SMAP2: variants seen among roughly 807,000 people sequenced by gnomAD.
The protein encoded by SMAP2 is stromal membrane-associated protein 2.
In SMAP2, 25 loss-of-function variants were observed where a neutral mutation model predicts 56.4. The ratio of observed to expected loss-of-function variants is 0.44; its 90% CI spans 0.32 to 0.62. SMAP2 has a LOEUF of 0.62. Ranked by LOEUF, SMAP2 falls within the 20% of genes least tolerant of loss-of-function variation. SMAP2 has a pLI of 0.04. For synonymous variants in SMAP2, 157 were observed against 181.7 expected, an observed-to-expected ratio of 0.86 and a Z score of 1.09; for missense variants, 388 against 545.6, an observed-to-expected ratio of 0.71 and a Z score of 2.88.
chr1:40,417,901 A>G (rs1004787178), intron 9 of SMAP2, among the ~76,000 whole-genome samples: 2 of 152,194 alleles, frequency 1.3e-5, no homozygotes, highest in East Asian at 1.9e-4. Context: ...GCCTCCCCAA[A>G]CCTTCACACC....
chr1:40,347,247 TTTTG>T lies in SMAP2; in HGVS notation c.-83+2341_-83+2344del, dbSNP rs1220125597. On this transcript the variant is annotated intron_variant, in intron 1 of 6. Transcript: ENST00000435168. ...GTGTGTTTGTGTGTGTGTGTTTTGT[TTTTG>T]TTTTTTTTTTTTTTTTTAAAGCAAA... Among the ~76,000 whole-genome samples, 12 of 66,810 alleles carry T rather than the reference TTTTG, an allele frequency of 1.8e-4. 1 individual carries two copies. Among genetic ancestry groups the T allele is most frequent in the African/African-American group, 6.7e-4 (12 of 17,822 alleles). 43.8% of individuals were successfully genotyped at this position (66,810 alleles called of 152,430 possible).
At chr1:40,376,260 C>T (rs1310199577) in intron 1 of SMAP2, among the ~76,000 whole-genome samples, 2 of 152,064 alleles carry the variant, frequency 1.3e-5, no homozygotes, top group Non-Finnish European at 2.9e-5. Flanking sequence ...CCGAAATTTC[C>T]GTTGCTTTTT....
chr1:40,407,116 G>A (rs992416462), intron 2 of SMAP2, among the ~76,000 whole-genome samples: 1 of 152,150 alleles, frequency 6.6e-6, no homozygotes, highest in Middle Eastern at 3.2e-3. Context: ...ATGGGCCCAC[G>A]AAAGTATTAA....
intron 1 of SMAP2, chr1:40,375,838 A>G (rs995497409): frequency 2.9e-6 from 1 of 341,968 alleles, no homozygotes; most frequent in Non-Finnish European, 3.7e-6. Context: ...CCCCCCCCCC[A>G]TTTCTCATAT....
chr1:40,403,617 T>C (rs1644857529), intron 1 of SMAP2: 1 of 983,710 alleles, frequency 1.0e-6, no homozygotes, highest in African/African-American at 1.7e-5. Context: ...GGAAGTGGGT[T>C]CTGGAAACCT....
rs1569906256 is a variant in SMAP2, at chr1:40,408,701, T to C, written c.286T>C (p.Tyr96His). Residue 96 changes from tyrosine to histidine, a missense_variant, in exon 3 of 10, where the codon TAT becomes CAT. Coordinates refer to ENST00000372718, the MANE Select transcript of SMAP2 (RefSeq NM_022733.3). The surrounding 1 kb of genome is among the most constrained non-coding windows in gnomAD (Gnocchi z 4.3). ...AAAGGCAAACCGACTTTATGAAGCC[T>C]ATCTTCCTGAGACCTTTCGGCGACC... The part of the protein sequence containing the change: ...NGKANRLYEA[Y>H]LPETFRRPQI... The C allele has an allele frequency of 6.2e-7, 1 of 1,613,930 alleles. No homozygotes were observed. The highest frequency in any genetic ancestry group is 8.5e-7 in the Non-Finnish European group (1 of 1,179,894).
At position 40,367,719 on chromosome 1, in the gene SMAP2, T is replaced by G. The variant is rs1361538604; in HGVS notation, c.55+5283T>G. Among the ~76,000 whole-genome samples, 5 of 145,610 alleles carry G rather than the reference T, an allele frequency of 3.4e-5. No homozygotes were observed. In the East Asian group the frequency reaches 1.0e-3, roughly 30 times the overall value. ...ATTCAAAGCAGTGTGTAGAGGGAAA[T>G]TTTTAGCACTAAATGCCCACAAGAG... On this transcript the variant is annotated intron_variant, in intron 2 of 6. Coordinates refer to the SMAP2 transcript ENST00000435168.
At chr1:40,401,807 A>G (rs561392137) in intron 1 of SMAP2, among the ~76,000 whole-genome samples, 1 of 152,348 alleles carries the variant, frequency 6.6e-6, no homozygotes, top group African/African-American at 2.4e-5. Flanking sequence ...AATACATGCA[A>G]CAGGTCCGTG....
intron 1 of SMAP2, among the ~76,000 whole-genome samples, chr1:40,394,316 C>A (rs757132868): frequency 9.9e-5 from 15 of 152,102 alleles, no homozygotes; most frequent in Non-Finnish European, 1.8e-4. Flanking sequence ...TGAAGGTTAG[C>A]CATCATCAGT....
chr1:40,416,420 A>T, intron 8 of SMAP2, 79 bp downstream of exon 8: 1 of 1,499,030 alleles, frequency 6.7e-7, no homozygotes, highest in Non-Finnish European at 9.0e-7. Context: ...ATTGTGACAG[A>T]GGACAGTTGC....
chr1:40,372,831 A>G (rs1358612756), upstream of SMAP2, among the ~76,000 whole-genome samples: 1 of 152,190 alleles, frequency 6.6e-6, no homozygotes, highest in Non-Finnish European at 1.5e-5. Flanking sequence ...CCTCTCCCCT[A>G]GTACAGTGCC....
intron 5 of SMAP2, 103 bp downstream of exon 5, chr1:40,413,205 A>C (rs1569915989): frequency 2.4e-6 from 2 of 845,520 alleles, no homozygotes; most frequent in East Asian, 5.0e-5. Context: ...GCACCATCAC[A>C]GCTGGGGCTA....
At chr1:40,376,497 T>C (rs1644542612) in intron 1 of SMAP2, among the ~76,000 whole-genome samples, 1 of 152,276 alleles carries the variant, frequency 6.6e-6, no homozygotes, top group Non-Finnish European at 1.5e-5. Context: ...TTATGACAAA[T>C]AGGCATTTGT....
chr1:40,360,820 G>C (rs900261448), intron 1 of SMAP2, among the ~76,000 whole-genome samples: 1 of 152,174 alleles, frequency 6.6e-6, no homozygotes, highest in African/African-American at 2.4e-5. Context: ...TCACCAGAGG[G>C]GAATTGTCCA....
rs1270692096 is a variant in SMAP2 at position 40,386,367 on chromosome 1, G to A, written c.103+12144G>A. Among the ~76,000 whole-genome samples, 1 of 152,200 alleles carries A rather than the reference G, an allele frequency of 6.6e-6. No homozygotes were observed. Among genetic ancestry groups the A allele is most frequent in the Non-Finnish European group, 1.5e-5 (1 of 68,038 alleles). ...GTTAGAGGAACCGTTACAGATGGAGGAGAAACTTGAGGAAAGGTCTTTCCT... is the reference window on the plus strand; with the variant it reads ...GTTAGAGGAACCGTTACAGATGGAGAAGAAACTTGAGGAAAGGTCTTTCCT... On this transcript the variant is annotated intron_variant, in intron 1 of 9. Transcript: ENST00000372718. This position sits in a 1 kb window ranked among gnomAD's most constrained non-coding sequence, Gnocchi z 4.1.
chr1:40,379,648 G>A (rs1266990421), intron 1 of SMAP2, among the ~76,000 whole-genome samples: 2 of 140,888 alleles, frequency 1.4e-5, no homozygotes, highest in Non-Finnish European at 3.0e-5. Context: ...CCGGGTTCAA[G>A]TTCTCCTGCC....
chr1:40,371,531 T>A (rs966235057), upstream of SMAP2, among the ~76,000 whole-genome samples: 3 of 152,234 alleles, frequency 2.0e-5, no homozygotes, highest in African/African-American at 7.2e-5. Context: ...GTTTATCAGC[T>A]ACACAGAAAT....
chr1:40,396,965 A>G (rs1330557655), intron 1 of SMAP2: 5 of 421,292 alleles, frequency 1.2e-5, no homozygotes, highest in African/African-American at 6.5e-5. Context: ...TTTGGGTCAG[A>G]GTTAATGACA....
At position 40,414,200 on chromosome 1, in the gene SMAP2, C is replaced by T. The variant is rs1557463821; in HGVS notation, c.531C>T (p.Ser177=). 6.2e-7 allele frequency: 1 copy of T among 1,614,170 alleles called. No homozygotes were observed. The highest frequency in any genetic ancestry group is 1.3e-5 in the African/African-American group (1 of 75,028). ...ACCCACAGCTACCTCGGAAAAGCTC[C>T]CCGAAATCCACAGCGCCTGTCATGG... ...KEDPQLPRKS[S]PKSTAPVMDL... Residue 177 remains serine, a synonymous_variant, in exon 6 of 10, where the codon TCC becomes TCT. Transcript: ENST00000372718.
Sources: allele counts gnomAD v4.1 joint callset (sites outside exome capture counted in the v4.1 genomes callset), GRCh38; gene constraint gnomAD v4.1.1; non-coding constraint Gnocchi (gnomAD v3.1); transcripts MANE v1.5; gene names NCBI Gene and HGNC (gene_info 2026-07-23, HGNC 2026-07-21).